VASH2: variants seen among roughly 807,000 people sequenced by gnomAD.
VASH2 encodes the protein tubulinyl-Tyr carboxypeptidase 2.
A neutral mutation model predicts 37.2 loss-of-function variants in VASH2; 28 were observed. The ratio of observed to expected loss-of-function variants is 0.75; its 90% CI spans 0.56 to 1.03. The LOEUF is 1.03. VASH2 is among the 50% of genes least tolerant of loss of function. VASH2 has a pLI of 0.00. For synonymous variants in VASH2, 188 were observed against 174.7 expected, an observed-to-expected ratio of 1.08 and a Z score of -0.60; for missense variants, 419 against 459.1, an observed-to-expected ratio of 0.91 and a Z score of 0.80.
chr1:212,958,789 C>T (rs1309444809), intron 2 of VASH2, among the ~76,000 whole-genome samples: 1 of 152,136 alleles, frequency 6.6e-6, no homozygotes, highest in Non-Finnish European at 1.5e-5. Flanking sequence ...TTATGGCTCA[C>T]TGCAGCCTTG....
chr1:212,966,543 CA>C (rs1558145744), intron 5 of VASH2, among the ~76,000 whole-genome samples, 198 bp downstream of exon 5: 1 of 152,150 alleles, frequency 6.6e-6, no homozygotes. Context: ...CTTCTTGGAC[CA>C]ATATCAGTCT....
chr1:212,956,451 G>A (rs1666498694), intron 2 of VASH2, among the ~76,000 whole-genome samples: 1 of 152,200 alleles, frequency 6.6e-6, no homozygotes, highest in African/African-American at 2.4e-5. Flanking sequence ...CCACGGCTGT[G>A]GGGCTAACGT....
rs1013554707 is a variant in VASH2 at position 212,966,979 on chromosome 1, A to G, written c.497+634A>G. 33 of 592,140 alleles carry G rather than the reference A, an allele frequency of 5.6e-5. No homozygotes were observed. The African/African-American group carries it at 6.3e-4, about 11-fold the overall frequency. The allele number at this position is 592,140 out of a possible 1,614,324, so 36.7% of individuals were successfully genotyped here. ...AGGCTGGTCTCAAACTGCTGAGCTC[A>G]AGTGATCCGCCCACCTCAGCCTCCC... On this transcript the variant is annotated intron_variant, in intron 5 of 7. Transcript: ENST00000517399.
At chr1:212,969,208 T>C in intron 5 of VASH2, 1 of 984,140 alleles carries the variant, frequency 1.0e-6, no homozygotes, top group African/African-American at 1.7e-5. Flanking sequence ...TTTTTTTTTT[T>C]TTGAGACGGA....
intron 2 of VASH2, among the ~76,000 whole-genome samples, chr1:212,958,378 C>T (rs541969255): frequency 2.6e-4 from 40 of 152,360 alleles, no homozygotes; most frequent in African/African-American, 9.6e-4. Context: ...GCCACAGCTC[C>T]TGCACTCTGC....
intron 6 of VASH2, chr1:212,973,385 C>CA: frequency 7.7e-7 from 1 of 1,291,926 alleles, no homozygotes; most frequent in Non-Finnish European, 1.0e-6. Flanking sequence ...AGTTTTACCT[C>CA]CAAAGTGATG....
chr1:212,988,879 T>C lies in VASH2; in HGVS notation c.*295T>C. On this transcript the variant is annotated 3_prime_UTR_variant, in exon 8 of 8. Transcript: ENST00000517399. The stretch of plus-strand genomic sequence containing the variant: ...TATTTTTCCATTTACCTACTTTCTT[T>C]TACTTGCTTTGAACATTATGCCTCA... The C allele has an allele frequency of 2.9e-6, 1 of 345,108 alleles. No individual in the cohort carries two copies. The highest frequency in any genetic ancestry group is 5.6e-6 in the Non-Finnish European group (1 of 179,804). The allele number at this position is 345,108 out of a possible 1,614,324, so 21.4% of individuals were successfully genotyped here.
intron 3 of VASH2, among the ~76,000 whole-genome samples, chr1:212,961,611 CCTT>C (rs1379640893): frequency 2.0e-5 from 3 of 152,250 alleles, no homozygotes; most frequent in East Asian, 3.9e-4. Flanking sequence ...CCTTCACTGT[CCTT>C]CTTTTTGACA....
At chr1:212,973,144 A>G (rs1035661544) in intron 6 of VASH2, among the ~76,000 whole-genome samples, 183 bp downstream of exon 6, 5 of 152,152 alleles carry the variant, frequency 3.3e-5, no homozygotes, top group African/African-American at 1.2e-4. Flanking sequence ...GACAGTTAAA[A>G]CAATGTCTCG....
rs1007076003 is a variant in VASH2, at chr1:212,955,576, ATCC to A, written c.276+3763_276+3765del. Among the ~76,000 whole-genome samples, 8 of 152,194 alleles carry A rather than the reference ATCC, an allele frequency of 5.3e-5. No individual in the cohort carries two copies. In the East Asian group the frequency reaches 5.8e-4, roughly 11 times the overall value. ...GGCATTCTAGGAAAATTCTAGGACA[ATCC>A]TCCTGTTTCTTAACAGCTTGGAACT... On this transcript the variant is annotated intron_variant, in intron 2 of 7. Coordinates refer to ENST00000517399, the MANE Select transcript of VASH2 (RefSeq NM_001301056.2).
intron 7 of VASH2, among the ~76,000 whole-genome samples, chr1:212,979,598 C>A (rs1166497178): frequency 6.6e-6 from 1 of 152,202 alleles, no homozygotes; most frequent in Non-Finnish European, 1.5e-5. Flanking sequence ...AATTCCTCTC[C>A]ATTTTTGCAC....
At chr1:212,987,363 G>A (rs775432681) in intron 7 of VASH2, among the ~76,000 whole-genome samples, 3 of 151,782 alleles carry the variant, frequency 2.0e-5, no homozygotes, top group Non-Finnish European at 4.4e-5. Context: ...ATCACCTGAG[G>A]TCAGGAGTTC....
Position 212,971,691 on chromosome 1 carries a change from C to T in VASH2, c.498-889C>T, listed in dbSNP as rs548376772. Among the ~76,000 whole-genome samples the T allele has an allele frequency of 1.9e-4, 29 of 152,294 alleles. No individual in the cohort carries two copies. Among genetic ancestry groups the T allele is most frequent in the South Asian group, 1.2e-3 (6 of 4,808 alleles). On this transcript the variant is annotated intron_variant, in intron 5 of 7. Transcript: ENST00000517399. The surrounding 1 kb of genome is among the most constrained non-coding windows in gnomAD (Gnocchi z 4.0). ...CTGCTTTCTTTCTAGAGAGTGGAGG[C>T]ATCCGTGATTAAACCGAGAGCAGAG... is the stretch of plus-strand genomic sequence containing the variant.
chr1:212,951,442 GCTGATCCCCT>G lies in VASH2; in HGVS notation c.-99_-90del. The G allele has an allele frequency of 9.5e-6, 6 of 630,784 alleles. No homozygotes were observed. The highest frequency in any genetic ancestry group is 1.2e-5 in the Non-Finnish European group (6 of 500,762). The allele number at this position is 630,784 out of a possible 1,614,324, so 39.1% of individuals were successfully genotyped here. A position where few individuals can be genotyped will look rare whatever the true frequency, so the allele number is the denominator to read the frequency against. On this transcript the variant is annotated 5_prime_UTR_variant, in exon 2 of 8. An upstream open reading frame in the 5' UTR loses its in-frame stop. Coordinates refer to ENST00000517399, the MANE Select transcript of VASH2 (RefSeq NM_001301056.2). The surrounding 1 kb of genome is among the most constrained non-coding windows in gnomAD (Gnocchi z 4.4). ...ATGGAGAAGGCCGCCCCCGCGGGGC[GCTGATCCCCT>G]CGCCGCGCCCGCGCGCACACGCCCC...
chr1:212,979,959 C>T (rs1464311793), intron 7 of VASH2, among the ~76,000 whole-genome samples: 1 of 152,194 alleles, frequency 6.6e-6, no homozygotes, highest in Non-Finnish European at 1.5e-5. Context: ...GGGGTGTTCC[C>T]AGGGGTTCTC....
intron 5 of VASH2, among the ~76,000 whole-genome samples, chr1:212,969,928 T>G (rs1302989077): frequency 1.3e-5 from 2 of 152,364 alleles, no homozygotes; most frequent in African/African-American, 4.8e-5. Context: ...TCATTAGTTC[T>G]GAGCCACTTC....
chr1:212,951,885 C>T lies in VASH2; in HGVS notation c.276+67C>T, dbSNP rs568992472. The T allele has an allele frequency of 3.3e-6, 5 of 1,498,344 alleles. No individual in the cohort carries two copies. Among genetic ancestry groups the T allele is most frequent in the East Asian group, 2.3e-5 (1 of 42,954 alleles). The allele number at this position is 1,498,344 out of a possible 1,614,324, so 92.8% of individuals were successfully genotyped here. The stretch of plus-strand genomic sequence containing the variant: ...TAGGCAGCGATGGGACCGTTTCAGC[C>T]TATACATAGCAAACACAGGCAATCT... On this transcript the variant is annotated intron_variant, in intron 2 of 7. Transcript: ENST00000517399. This position sits in a 1 kb window ranked among gnomAD's most constrained non-coding sequence, Gnocchi z 4.4.
intron 4 of VASH2, chr1:212,966,041 A>G (rs1278288767): frequency 1.7e-6 from 1 of 600,564 alleles, no homozygotes; most frequent in Admixed American, 3.0e-5. Flanking sequence ...TATTTGTTCT[A>G]TTGTAATGCC....
Position 212,951,474 on chromosome 1 carries a change from C to G in VASH2, c.-69C>G. On this transcript the variant is annotated 5_prime_UTR_variant, in exon 2 of 8. Transcript: ENST00000517399. This position sits in a 1 kb window ranked among gnomAD's most constrained non-coding sequence, Gnocchi z 4.4. ...CCCTCGCCGCGCCCGCGCGCACACG[C>G]CCCCCGCCGCCGCCGCCGCTGCCGC... 2.0e-6 allele frequency: 2 copies of G among 1,009,122 alleles called. No individual in the cohort carries two copies. The highest frequency in any genetic ancestry group is 2.4e-6 in the Non-Finnish European group (2 of 820,758). The allele number at this position is 1,009,122 out of a possible 1,614,324, so 62.5% of individuals were successfully genotyped here. A position where few individuals can be genotyped will look rare whatever the true frequency, so the allele number is the denominator to read the frequency against.
Sources: gnomAD v4.1 joint callset for allele counts (sites outside exome capture counted in the v4.1 genomes callset) on GRCh38, gnomAD v4.1.1 for gene constraint, Gnocchi (gnomAD v3.1) non-coding constraint, MANE v1.5 for transcripts, NCBI Gene and HGNC (gene_info 2026-07-23, HGNC 2026-07-21) for gene names.